The following ALG12 variants were observed in gnomAD, a reference collection of about 807,000 sequenced individuals.
ALG12 encodes ALG12 alpha-1,6-mannosyltransferase, also known as dol-P-Man:Man(7)GlcNAc(2)-PP-Dol alpha-1,6-mannosyltransferase.
ALG12 carries 36 observed loss-of-function variants against 46.0 expected under a neutral mutation model. The ratio of observed to expected loss-of-function variants is 0.78; its 90% CI spans 0.60 to 1.03. The LOEUF (loss-of-function observed/expected upper bound fraction) is 1.03, where lower values mean the gene tolerates loss of function less well. ALG12 is among the 50% of genes least tolerant of loss of function. The probability of loss-of-function intolerance (pLI) is 0.00; values close to 1 mark genes in which losing one functional copy is unlikely to be tolerated. For missense variants in ALG12, 599 were observed against 633.5 expected (o/e 0.95, Z 0.58); for synonymous variants, 326 against 291.6 (o/e 1.12, Z -1.20).
chr22:49,915,476 G>A (rs1429497312), intron 1 of ALG12, among the ~76,000 whole-genome samples: 2 of 152,092 alleles, frequency 1.3e-5, no homozygotes, highest in Non-Finnish European at 2.9e-5. Flanking sequence ...AGAATCGCTT[G>A]AGCCCAGGAG....
chr22:49,873,162 G>A, the ALG12 span, among the ~76,000 whole-genome samples: 5 of 152,176 alleles, frequency 3.3e-5, no homozygotes, highest in Non-Finnish European at 7.3e-5. Flanking sequence ...TTGCATTCAC[G>A]TCTTGGCTGT....
the ALG12 span, among the ~76,000 whole-genome samples, chr22:49,871,759 T>TTATTTA: frequency 6.6e-5 from 1 of 15,096 alleles, no homozygotes; most frequent in Non-Finnish European, 1.9e-4. Flanking sequence ...ATTTATTTAT[T>TTATTTA]TTTTTTTTTT....
the ALG12 span, chr22:49,888,741 T>C: frequency 6.0e-6 from 1 of 167,314 alleles, no homozygotes; most frequent in Non-Finnish European, 1.5e-5. Context: ...TCTTACCCGG[T>C]AGCTGTGCGC....
the ALG12 span, among the ~76,000 whole-genome samples, chr22:49,865,919 C>G: frequency 6.6e-6 from 1 of 151,132 alleles, no homozygotes; most frequent in South Asian, 2.1e-4. Context: ...ACTATATTGC[C>G]CAGGCTGGTC....
the ALG12 span, among the ~76,000 whole-genome samples, chr22:49,860,548 G>A: frequency 6.6e-6 from 1 of 151,962 alleles, no homozygotes; most frequent in African/African-American, 2.4e-5. Context: ...ATAAAGTGCT[G>A]TATTTTAAAG....
At chr22:49,889,860 C>T in the ALG12 span, 2 of 167,064 alleles carry the variant, frequency 1.2e-5, no homozygotes, top group Non-Finnish European at 2.9e-5. Flanking sequence ...AGAACCCCAG[C>T]TGCGAGCTGT....
chr22:49,864,463 C>T, the ALG12 span, among the ~76,000 whole-genome samples: 1 of 152,170 alleles, frequency 6.6e-6, no homozygotes, highest in Admixed American at 6.5e-5. Flanking sequence ...ACTACAGATG[C>T]TTCGCAACTC....
At chr22:49,889,457 A>C in the ALG12 span, 1 of 166,890 alleles carries the variant, frequency 6.0e-6, no homozygotes, top group Non-Finnish European at 1.5e-5. Context: ...GCCTGCCTTT[A>C]TGGGGTTTTT....
rs999974341 is a variant in ALG12 at position 49,900,919 on chromosome 22, G to A, written c.*2919C>T. 5.9e-5 allele frequency: 9 copies of A among 152,278 alleles called. No individual in the cohort carries two copies. The highest frequency in any genetic ancestry group is 1.9e-4 in the East Asian group (1 of 5,200). 9.4% of individuals were successfully genotyped at this position (152,278 alleles called of 1,614,324 possible). ...CGAGCACACCTCGTGTCTAGATCCCGGTCTCTAACGCTGTTCCCCACCAAA... is the reference window on the plus strand; with the variant it reads ...CGAGCACACCTCGTGTCTAGATCCCAGTCTCTAACGCTGTTCCCCACCAAA... On this transcript the variant is annotated 3_prime_UTR_variant, in exon 10 of 10. Transcript: ENST00000330817.
At chr22:49,893,276 C>T in the ALG12 span, among the ~76,000 whole-genome samples, 1 of 152,156 alleles carries the variant, frequency 6.6e-6, no homozygotes. Flanking sequence ...GAGGACTTTC[C>T]AGAACTGTTG....
the ALG12 span, among the ~76,000 whole-genome samples, chr22:49,863,713 T>C: frequency 1.3e-5 from 2 of 152,194 alleles, no homozygotes; most frequent in Admixed American, 6.5e-5. Context: ...CCTCTTCTTA[T>C]CCACTCTCTG....
chr22:49,891,054 G>C, the ALG12 span, among the ~76,000 whole-genome samples: 4 of 151,760 alleles, frequency 2.6e-5, no homozygotes, highest in South Asian at 4.2e-4. Context: ...AATGTTCTTT[G>C]GCCCTCCAGA....
Position 49,902,690 on chromosome 22 carries a change from T to TGC in ALG12, c.*1147_*1148insGC, listed in dbSNP as rs1491582658. ...ATGGTGTGTGCACGTGTGCACTGTG[T>TGC]ATGCATAGTGTGTGCACGTGTGCAC... On this transcript the variant is annotated 3_prime_UTR_variant, in exon 10 of 10. Coordinates refer to ENST00000330817, the MANE Select transcript of ALG12 (RefSeq NM_024105.4). The TGC allele has an allele frequency of 1.5e-5, 2 of 133,092 alleles. No homozygotes were observed. Among genetic ancestry groups the TGC allele is most frequent in the Non-Finnish European group, 3.1e-5 (2 of 64,026 alleles). The allele number at this position is 133,092 out of a possible 1,614,324, so 8.2% of individuals were successfully genotyped here. A position where few individuals can be genotyped will look rare whatever the true frequency, so the allele number is the denominator to read the frequency against.
At chr22:49,867,377 C>T in the ALG12 span, among the ~76,000 whole-genome samples, 35 of 152,298 alleles carry the variant, frequency 2.3e-4, no homozygotes, top group Middle Eastern at 6.8e-3. Context: ...GCGGTGGGAG[C>T]GGCGGTTGGG....
chr22:49,884,817 G>A, the ALG12 span: 54 of 1,610,176 alleles, frequency 3.4e-5, no homozygotes, highest in Middle Eastern at 1.6e-4. Flanking sequence ...AGTCCCCTTC[G>A]GCCTCCTCCT....
At chr22:49,872,253 C>T in the ALG12 span, among the ~76,000 whole-genome samples, 2 of 152,150 alleles carry the variant, frequency 1.3e-5, no homozygotes, top group African/African-American at 2.4e-5. Flanking sequence ...GCATCTCCAC[C>T]AGGAGTAGAT....
intron 7 of ALG12, 60 bp from the exon 8 acceptor site, chr22:49,904,566 C>T: frequency 6.3e-7 from 1 of 1,585,230 alleles, no homozygotes. Flanking sequence ...ATTAATCTAC[C>T]TACAAAACAT....
At chr22:49,899,157 G>C (rs1466156184), downstream of ALG12, among the ~76,000 whole-genome samples, 1 of 151,858 alleles carries the variant, frequency 6.6e-6, no homozygotes, top group Non-Finnish European at 1.5e-5. Flanking sequence ...CATATGAAAA[G>C]ACATTCAACT....
At chr22:49,879,008 G>A in the ALG12 span, among the ~76,000 whole-genome samples, 1 of 151,396 alleles carries the variant, frequency 6.6e-6, no homozygotes, top group African/African-American at 2.4e-5. Context: ...AGCCGGGTGT[G>A]GTGGCGCGTG....
Sources: gnomAD v4.1 joint callset for allele counts (sites outside exome capture counted in the v4.1 genomes callset) on GRCh38, gnomAD v4.1.1 for gene constraint, MANE v1.5 for transcripts, NCBI Gene and HGNC (gene_info 2026-07-23, HGNC 2026-07-21) for gene names.